CNTNAP2: variants seen among roughly 807,000 people sequenced by gnomAD.
CNTNAP2 encodes the protein contactin-associated protein-like 2.
A neutral mutation model predicts 155.2 loss-of-function variants in CNTNAP2; 98 were observed. The observed-to-expected ratio is 0.63, with a 90% CI of 0.54 to 0.75. CNTNAP2 has a LOEUF of 0.75. Ranked by LOEUF, CNTNAP2 falls within the 30% of genes least tolerant of loss-of-function variation. CNTNAP2 has a pLI of 0.00. For synonymous variants in CNTNAP2, 651 were observed against 631.2 expected, an observed-to-expected ratio of 1.03 and a Z score of -0.47; for missense variants, 1,727 against 1,688.1, an observed-to-expected ratio of 1.02 and a Z score of -0.40.
intron 8 of CNTNAP2, among the ~76,000 whole-genome samples, chr7:147,138,406 C>T (rs1433083545): frequency 3.3e-5 from 5 of 151,860 alleles, no homozygotes; most frequent in Non-Finnish European, 7.4e-5. Context: ...ATTTTATTCC[C>T]TGAAATTCAC....
chr7:146,970,543 AT>A (rs1797764881), intron 3 of CNTNAP2, among the ~76,000 whole-genome samples: 1 of 152,088 alleles, frequency 6.6e-6, no homozygotes, highest in African/African-American at 2.4e-5. Flanking sequence ...ATGGCAATCA[AT>A]AAAAAGTCAG....
At chr7:147,016,897 A>C (rs939577167) in intron 3 of CNTNAP2, among the ~76,000 whole-genome samples, 2 of 152,052 alleles carry the variant, frequency 1.3e-5, no homozygotes, top group Admixed American at 6.6e-5. Context: ...CTGTGATTCC[A>C]CAGAGAAAAA....
intron 10 of CNTNAP2, among the ~76,000 whole-genome samples, chr7:147,446,214 C>A (rs1343542484): frequency 6.6e-6 from 1 of 151,504 alleles, no homozygotes; most frequent in African/African-American, 2.4e-5. Context: ...TCCCCCCACC[C>A]CTCACTAACT....
At chr7:147,549,646 G>A (rs909239856) in intron 11 of CNTNAP2, among the ~76,000 whole-genome samples, 2 of 152,174 alleles carry the variant, frequency 1.3e-5, no homozygotes, top group African/African-American at 4.8e-5. Context: ...GATATGGTAA[G>A]ACCAATGCCT....
At chr7:146,521,215 C>G (rs1315603973) in intron 1 of CNTNAP2, among the ~76,000 whole-genome samples, 1 of 151,854 alleles carries the variant, frequency 6.6e-6, no homozygotes, top group Non-Finnish European at 1.5e-5. Flanking sequence ...AAGTCTCTGT[C>G]ACAACTACTC....
At chr7:148,336,242 A>G (rs1404817120) in intron 21 of CNTNAP2, among the ~76,000 whole-genome samples, 2 of 152,220 alleles carry the variant, frequency 1.3e-5, no homozygotes, top group East Asian at 3.8e-4. Context: ...ATTTTATGCA[A>G]GATAGCACCT....
At chr7:148,267,009 G>A (rs926990857) in intron 20 of CNTNAP2, 24 bp from the exon 21 acceptor site, 2 of 1,604,938 alleles carry the variant, frequency 1.2e-6, no homozygotes, top group Non-Finnish European at 1.7e-6. Context: ...GCTTCTAAAA[G>A]TGTCTCTTGT....
At chr7:147,075,771 T>C (rs1184384776) in intron 4 of CNTNAP2, among the ~76,000 whole-genome samples, 2 of 152,092 alleles carry the variant, frequency 1.3e-5, no homozygotes, top group Admixed American at 1.3e-4. Context: ...CCTAATGCTA[T>C]CCCTCCCCCT....
chr7:147,374,628 C>A (rs1314864523), intron 9 of CNTNAP2, among the ~76,000 whole-genome samples: 1 of 152,060 alleles, frequency 6.6e-6, no homozygotes, highest in Non-Finnish European at 1.5e-5. Context: ...TGATTTGTGA[C>A]ATAGCATATC....
At chr7:146,181,771 C>A (rs1378629489) in intron 1 of CNTNAP2, among the ~76,000 whole-genome samples, 2 of 152,108 alleles carry the variant, frequency 1.3e-5, no homozygotes, top group Non-Finnish European at 2.9e-5. Context: ...AGAGCATTTT[C>A]TAAGTCTTGT....
At chr7:147,781,118 A>G (rs1013126943) in intron 13 of CNTNAP2, among the ~76,000 whole-genome samples, 2 of 152,232 alleles carry the variant, frequency 1.3e-5, no homozygotes, top group Non-Finnish European at 2.9e-5. Context: ...AGATAATGGC[A>G]AAAAGGAAAT....
intron 8 of CNTNAP2, among the ~76,000 whole-genome samples, chr7:147,194,397 G>A (rs1802741981): frequency 6.6e-6 from 1 of 151,956 alleles, no homozygotes; most frequent in Admixed American, 6.6e-5. Context: ...AATATACGTG[G>A]GCATGTGTCT....
rs1803155366 is a variant in CNTNAP2, at chr7:148,061,968, TAGATAG to T, written c.2384-56148_2384-56143del. 4.0e-5 allele frequency among the ~76,000 whole-genome samples: 5 copies of T among 123,542 alleles called. 1 individual carries two copies. The highest frequency in any genetic ancestry group is 2.0e-4 in the African/African-American group (5 of 25,520). 81.0% of individuals were successfully genotyped at this position (123,542 alleles called of 152,430 possible). ...AGATAAACAGATATAGATAGATAGA[TAGATAG>T]ATAGATAGATAGATAGATAGATAGA... is the stretch of plus-strand genomic sequence containing the variant. On this transcript the variant is annotated intron_variant, in intron 15 of 23. Coordinates refer to ENST00000361727, the MANE Select transcript of CNTNAP2 (RefSeq NM_014141.6).
chr7:146,593,638 A>G (rs17515480), intron 1 of CNTNAP2, among the ~76,000 whole-genome samples: 8,381 of 152,164 alleles, frequency 0.055, 332 homozygotes, highest in Non-Finnish European at 0.088. Context: ...CAAAACAGTC[A>G]CAATCAATTG....
chr7:147,517,693 A>G (rs566473196), intron 11 of CNTNAP2, among the ~76,000 whole-genome samples: 21 of 152,232 alleles, frequency 1.4e-4, no homozygotes, highest in Non-Finnish European at 2.8e-4. Context: ...CTCTGTCAGC[A>G]TTATTTGGCA....
intron 3 of CNTNAP2, among the ~76,000 whole-genome samples, chr7:146,991,209 G>T (rs1015636179): frequency 2.0e-5 from 3 of 151,596 alleles, no homozygotes; most frequent in African/African-American, 2.4e-5. Flanking sequence ...TTGATTGAAA[G>T]ATTTGAGATA....
chr7:146,538,219 G>T (rs748935477), intron 1 of CNTNAP2, among the ~76,000 whole-genome samples: 54 of 152,050 alleles, frequency 3.6e-4, no homozygotes, highest in Admixed American at 7.2e-4. Flanking sequence ...CTTGGATATG[G>T]GCTATATTAA....
intron 3 of CNTNAP2, among the ~76,000 whole-genome samples, chr7:147,024,883 G>A (rs376932019): frequency 2.2e-4 from 33 of 152,054 alleles, no homozygotes; most frequent in East Asian, 9.7e-4. Flanking sequence ...TCTGATGATT[G>A]GACTAACAGG....
At position 148,269,572 on chromosome 7, in the gene CNTNAP2, T is replaced by C. The variant is rs1173020847; in HGVS notation, c.3475+2446T>C. Among the ~76,000 whole-genome samples, 4 of 152,262 alleles carry C rather than the reference T, an allele frequency of 2.6e-5. No homozygotes were observed. In the East Asian group the frequency reaches 7.7e-4, roughly 29 times the overall value. On this transcript the variant is annotated intron_variant, in intron 21 of 23. Transcript: ENST00000361727. ...ATGAGAAAACTGAAGCAGAAGAAGGTCAATTTGACAAAAGTTACTCAACTA... is the reference window on the plus strand; with the variant it reads ...ATGAGAAAACTGAAGCAGAAGAAGGCCAATTTGACAAAAGTTACTCAACTA...
Sources: gnomAD v4.1 joint callset for allele counts (sites outside exome capture counted in the v4.1 genomes callset) on GRCh38, gnomAD v4.1.1 for gene constraint, MANE v1.5 for transcripts, NCBI Gene and HGNC (gene_info 2026-07-23, HGNC 2026-07-21) for gene names.